The following GRIP1 variants were observed in gnomAD, a reference collection of about 807,000 sequenced individuals.
The protein encoded by GRIP1 is glutamate receptor-interacting protein 1.
GRIP1 carries 45 observed loss-of-function variants against 129.9 expected under a neutral mutation model. The ratio of observed to expected loss-of-function variants is 0.35; its 90% CI spans 0.27 to 0.44. GRIP1 has a LOEUF of 0.44. Ranked by LOEUF, GRIP1 falls within the 20% of genes least tolerant of loss-of-function variation. The pLI, the probability that GRIP1 is intolerant of heterozygous loss-of-function variation, is 1.00. For synonymous variants in GRIP1, 530 were observed against 520.8 expected (o/e 1.02, Z -0.24); for missense variants, 1,196 against 1,396.8 (o/e 0.86, Z 2.29).
intron 2 of GRIP1, among the ~76,000 whole-genome samples, chr12:66,574,199 C>T (rs1337629958): frequency 4.6e-5 from 7 of 152,196 alleles, no homozygotes; most frequent in Non-Finnish European, 8.8e-5. Flanking sequence ...GCCCCCCACC[C>T]ACCCAAGATA....
At position 66,541,757 on chromosome 12, in the gene GRIP1, T is replaced by G; in HGVS notation, c.272+58A>C. On this transcript the variant is annotated intron_variant, in intron 3 of 24. Coordinates refer to ENST00000359742, the MANE Select transcript of GRIP1 (RefSeq NM_001366722.1). ...GTGACCACTTTTGATGGAGCTTTAA[T>G]TTTTGAATTAATTACACCCTGTGTT... 7 of 1,570,392 alleles carry G rather than the reference T, an allele frequency of 4.5e-6. No homozygotes were observed. In the South Asian group the frequency reaches 7.8e-5, roughly 17 times the overall value.
At chr12:66,852,328 T>C (rs1274313146) in intron 1 of GRIP1, among the ~76,000 whole-genome samples, 2 of 151,994 alleles carry the variant, frequency 1.3e-5, no homozygotes, top group Non-Finnish European at 2.9e-5. Flanking sequence ...TGTGCTCAGT[T>C]AGCAGCCCTC....
intron 2 of GRIP1, among the ~76,000 whole-genome samples, chr12:66,557,532 C>T (rs11504204): frequency 0.017 from 2,588 of 152,202 alleles, 65 homozygotes; most frequent in African/African-American, 0.059. Context: ...CTCCTCAGCA[C>T]GTGGATCATC....
intron 2 of GRIP1, among the ~76,000 whole-genome samples, chr12:66,545,791 T>A (rs1200917405): frequency 6.6e-6 from 1 of 152,290 alleles, no homozygotes; most frequent in East Asian, 1.9e-4. Flanking sequence ...CAGTTGTATA[T>A]CTATATAGTA....
intron 1 of GRIP1, among the ~76,000 whole-genome samples, chr12:66,712,577 G>A (rs974881398): frequency 1.3e-5 from 2 of 151,948 alleles, no homozygotes; most frequent in African/African-American, 4.8e-5. Context: ...ATTAAATGAA[G>A]TCAAACATAA....
At position 66,787,578 on chromosome 12, in the gene GRIP1, C is replaced by T. The variant is rs528755611; in HGVS notation, c.-420+16475G>A. On this transcript the variant is annotated intron_variant, in intron 1 of 4. Transcript: ENST00000538373. ...ATTAGATCATGAGGGCAGGGCACAG[C>T]TTCATGGATGGGATCAGTGCCCTTA... Among the ~76,000 whole-genome samples the T allele has an allele frequency of 7.9e-5, 12 of 152,182 alleles. No homozygotes were observed. The South Asian group carries it at 2.5e-3, about 32-fold the overall frequency.
chr12:66,867,756 C>T (rs2040230516), intron 1 of GRIP1, among the ~76,000 whole-genome samples: 1 of 152,136 alleles, frequency 6.6e-6, no homozygotes, highest in Non-Finnish European at 1.5e-5. Flanking sequence ...CAGAAAACTA[C>T]ATGTCAGTTG....
At chr12:66,659,522 C>T (rs1049813090) in intron 1 of GRIP1, among the ~76,000 whole-genome samples, 2 of 152,206 alleles carry the variant, frequency 1.3e-5, no homozygotes, top group Non-Finnish European at 2.9e-5. Flanking sequence ...TGCATTAATA[C>T]AGTGTCACAT....
Position 66,939,319 on chromosome 12 carries a change from C to T in GRIP1, c.58+129731G>A, listed in dbSNP as rs117678727. Among the ~76,000 whole-genome samples, 165 of 151,768 alleles carry T rather than the reference C, an allele frequency of 1.1e-3. 1 individual carries two copies. In the East Asian group the frequency reaches 0.031, roughly 28 times the overall value. On this transcript the variant is annotated intron_variant, in intron 1 of 1. Transcript: ENST00000643019. ...CTACGATCACATCACAGCACACTAA[C>T]CTGGGCGACAGAGCAAGACCCTGTC...
intron 1 of GRIP1, among the ~76,000 whole-genome samples, chr12:66,661,444 T>G (rs2033493983): frequency 7.3e-6 from 1 of 137,622 alleles, no homozygotes; most frequent in African/African-American, 2.8e-5. Flanking sequence ...AAATGAAAGC[T>G]TTGTTAGATT....
intron 19 of GRIP1, among the ~76,000 whole-genome samples, chr12:66,381,875 T>G (rs1173561748): frequency 2.0e-5 from 3 of 152,140 alleles, no homozygotes; most frequent in Admixed American, 2.0e-4. Context: ...CTGGGTGAAA[T>G]GTAAAGTCAG....
chr12:66,572,982 C>T (rs2063014081), intron 2 of GRIP1, among the ~76,000 whole-genome samples: 1 of 152,084 alleles, frequency 6.6e-6, no homozygotes, highest in Non-Finnish European at 1.5e-5. Flanking sequence ...TGACCTATGG[C>T]TTACCTCTAA....
chr12:66,474,892 T>C (rs10735936), intron 7 of GRIP1, among the ~76,000 whole-genome samples: 97,175 of 152,044 alleles, frequency 0.64, 31,497 homozygotes, highest in Middle Eastern at 0.78. Flanking sequence ...TTGTAAAGAC[T>C]ATCGATGCTA....
At position 66,904,618 on chromosome 12, in the gene GRIP1, A is replaced by G. The variant is rs558274624; in HGVS notation, c.58+164432T>C. On this transcript the variant is annotated intron_variant, in intron 1 of 1. Transcript: ENST00000643019. ...GTTAAAATGTTCAGATTGGGCTGGG[A>G]GCAGTGGCTCACGCCTGCAATCCCA... 7.9e-5 allele frequency among the ~76,000 whole-genome samples: 12 copies of G among 152,268 alleles called. No homozygotes were observed. In the East Asian group the frequency reaches 2.3e-3, roughly 30 times the overall value.
At chr12:66,353,050 A>G (rs542689013) in intron 24 of GRIP1, among the ~76,000 whole-genome samples, 98 of 152,288 alleles carry the variant, frequency 6.4e-4, no homozygotes, top group African/African-American at 2.3e-3. Context: ...GGTCATGTAG[A>G]AGACAAGTGG....
At chr12:66,764,457 GT>G (rs2037567132) in intron 1 of GRIP1, among the ~76,000 whole-genome samples, 1 of 152,118 alleles carries the variant, frequency 6.6e-6, no homozygotes, top group Non-Finnish European at 1.5e-5. Flanking sequence ...CTGAGGAAAA[GT>G]TATTATTTTA....
intron 1 of GRIP1, among the ~76,000 whole-genome samples, chr12:66,975,002 T>C (rs1455161141): frequency 1.3e-5 from 2 of 152,200 alleles, no homozygotes; most frequent in Non-Finnish European, 2.9e-5. Flanking sequence ...GAAGGAGACA[T>C]GGACATTTTT....
chr12:67,068,519 C>T (rs1246924851), intron 1 of GRIP1, among the ~76,000 whole-genome samples: 4 of 152,088 alleles, frequency 2.6e-5, no homozygotes, highest in Non-Finnish European at 5.9e-5. Flanking sequence ...CTTGCCTCCC[C>T]TACGCTCTTC....
chr12:66,635,467 T>C (rs2031275118), intron 1 of GRIP1, among the ~76,000 whole-genome samples: 1 of 151,908 alleles, frequency 6.6e-6, no homozygotes, highest in Non-Finnish European at 1.5e-5. Context: ...AATTTATACG[T>C]TACATTTTAC....
Sources: gnomAD v4.1 joint callset for allele counts (sites outside exome capture counted in the v4.1 genomes callset) on GRCh38, gnomAD v4.1.1 for gene constraint, MANE v1.5 for transcripts, NCBI Gene and HGNC (gene_info 2026-07-23, HGNC 2026-07-21) for gene names.